Variants in PNPT1 observed in about 807,000 individuals in gnomAD.
The protein encoded by PNPT1 is polyribonucleotide nucleotidyltransferase 1, also known as polyribonucleotide nucleotidyltransferase 1, mitochondrial.
A neutral mutation model predicts 119.5 loss-of-function variants in PNPT1; 53 were observed. The ratio of observed to expected loss-of-function variants is 0.44; its 90% CI spans 0.36 to 0.56. PNPT1 has a LOEUF of 0.56. Among genes scored for constraint, PNPT1 ranks in the 20% least tolerant of loss-of-function variants. The pLI is 0.00. For missense variants in PNPT1, 948 were observed against 938.5 expected (o/e 1.01, Z -0.13); for synonymous variants, 357 against 322.1 (o/e 1.11, Z -1.16).
intron 26 of PNPT1, among the ~76,000 whole-genome samples, chr2:55,639,803 C>T (rs1467997084): frequency 5.9e-5 from 9 of 151,930 alleles, no homozygotes; most frequent in Non-Finnish European, 1.3e-4. Flanking sequence ...AGGAGTTCTC[C>T]ACTACTAATC....
At chr2:55,692,631 A>T (rs1697652645) in intron 1 of PNPT1, among the ~76,000 whole-genome samples, 1 of 152,202 alleles carries the variant, frequency 6.6e-6, no homozygotes, top group African/African-American at 2.4e-5. Flanking sequence ...TTAGAAAGTT[A>T]TCTAACCTTT....
chr2:55,691,199 C>T (rs560134123), intron 1 of PNPT1, among the ~76,000 whole-genome samples: 20 of 152,302 alleles, frequency 1.3e-4, no homozygotes, highest in African/African-American at 4.3e-4. Context: ...AGCATTTTGC[C>T]CACTGTGGCA....
intron 4 of PNPT1, 25 bp downstream of exon 4, chr2:55,684,918 G>T: frequency 6.7e-7 from 1 of 1,500,768 alleles, no homozygotes; most frequent in South Asian, 1.3e-5. Flanking sequence ...CAGAGAAGAT[G>T]AACGCCTCTA....
chr2:55,683,592 G>A (rs1697311446), intron 5 of PNPT1, among the ~76,000 whole-genome samples, 193 bp downstream of exon 5: 1 of 132,318 alleles, frequency 7.6e-6, no homozygotes, highest in African/African-American at 2.9e-5. Flanking sequence ...CAGCCTGGGC[G>A]ACAAAGTGAG....
Position 55,666,983 on chromosome 2 carries a change from T to C in PNPT1, c.1176+8A>G. 6.5e-7 allele frequency: 1 copy of C among 1,531,704 alleles called. No individual in the cohort carries two copies. The highest frequency in any genetic ancestry group is 8.8e-7 in the Non-Finnish European group (1 of 1,134,952). The allele number at this position is 1,531,704 out of a possible 1,614,324, so 94.9% of individuals were successfully genotyped here. On this transcript the variant is annotated splice_region_variant and intron_variant, in intron 13 of 27. Transcript: ENST00000447944. ...TAGCAAATAATTAGAGCTTTTTATA[T>C]AAATTACCTGTGTTTGTCCTCTTTG...
intron 18 of PNPT1, among the ~76,000 whole-genome samples, chr2:55,651,530 T>G (rs981440639): frequency 2.6e-5 from 4 of 152,094 alleles, no homozygotes; most frequent in African/African-American, 9.7e-5. Flanking sequence ...TTGAATAGAT[T>G]AAGGGCGGTG....
intron 15 of PNPT1, 124 bp from the exon 16 acceptor site, chr2:55,656,495 T>C: frequency 1.2e-6 from 1 of 841,318 alleles, no homozygotes; most frequent in South Asian, 1.9e-5. Context: ...TTTAAAAAAG[T>C]ACATTCATAA....
At chr2:55,683,684 T>A (rs931232856) in intron 5 of PNPT1, 101 bp downstream of exon 5, 2 of 1,074,854 alleles carry the variant, frequency 1.9e-6, no homozygotes, top group South Asian at 1.6e-5. Flanking sequence ...TCATAAAAAA[T>A]TCTTATGTTC....
At chr2:55,652,793 TA>T (rs2104061213) in intron 18 of PNPT1, among the ~76,000 whole-genome samples, 1 of 152,382 alleles carries the variant, frequency 6.6e-6, no homozygotes, top group South Asian at 2.1e-4. Flanking sequence ...GAAAGTGAAT[TA>T]ACTATGGCAT....
In PNPT1 at chr2:55,644,653, T is replaced by A; in HGVS notation, c.1890A>T (p.Lys630Asn). 2 of 1,609,854 alleles carry A rather than the reference T, an allele frequency of 1.2e-6. No homozygotes were observed. The highest frequency in any genetic ancestry group is 1.7e-6 in the Non-Finnish European group (2 of 1,176,562). ...FVGPGGYNLK[K>N]LQAETGVTIS... Reference sequence around the variant, plus strand: ...AACTCTTACCTGTTTCAGCCTGAAGTTTTTTTAAGTTATAGCCACCAGGTC... The same window carrying A: ...AACTCTTACCTGTTTCAGCCTGAAGATTTTTTAAGTTATAGCCACCAGGTC... The change falls in exon 23 of 28, where the codon AAA (lysine) becomes AAT (asparagine). Residue 630 changes from lysine to asparagine, a missense_variant. Physicochemically the swap from Lys to Asn is moderately conservative, Grantham distance 94. Transcript: ENST00000447944.
chr2:55,661,218 G>A (rs907329609), intron 14 of PNPT1, among the ~76,000 whole-genome samples: 20 of 148,750 alleles, frequency 1.3e-4, no homozygotes, highest in African/African-American at 4.0e-4. Context: ...TCAGCTTCCC[G>A]AGTAGCTGGG....
intron 10 of PNPT1, among the ~76,000 whole-genome samples, chr2:55,671,662 C>G (rs182899303): frequency 6.6e-6 from 1 of 152,136 alleles, no homozygotes; most frequent in African/African-American, 2.4e-5. Flanking sequence ...CCAACATGGC[C>G]GTCTCTACTA....
intron 15 of PNPT1, among the ~76,000 whole-genome samples, chr2:55,657,048 G>T (rs1464405200): frequency 6.6e-6 from 1 of 152,170 alleles, no homozygotes; most frequent in Non-Finnish European, 1.5e-5. Context: ...GTAATTTCAG[G>T]CCGGGCGCAG....
Position 55,693,651 on chromosome 2 carries a change from G to C in PNPT1, c.161+12C>G, listed in dbSNP as rs2104206449. On this transcript the variant is annotated intron_variant, in intron 1 of 27. Coordinates refer to ENST00000447944, the MANE Select transcript of PNPT1 (RefSeq NM_033109.5). Reference sequence around the variant, plus strand: ...CCTTATGACAATACAGTGAACGCACGTCACTCCTTACCTGTTGCCTAAGTC... The same window carrying C: ...CCTTATGACAATACAGTGAACGCACCTCACTCCTTACCTGTTGCCTAAGTC... The C allele has an allele frequency of 6.2e-7, 1 of 1,613,912 alleles. No individual in the cohort carries two copies. The highest frequency in any genetic ancestry group is 1.1e-5 in the South Asian group (1 of 91,076).
Position 55,638,303 on chromosome 2 carries a change from GAA to G in PNPT1, c.2149-706_2149-705del, listed in dbSNP as rs34343270. The stretch of plus-strand genomic sequence containing the variant: ...GGCGACAGAGTCAGACTCTGTCTCA[GAA>G]AAAAAAAAAAAAATCAGTTAATTAT... On this transcript the variant is annotated intron_variant, in intron 26 of 27. Coordinates refer to ENST00000447944, the MANE Select transcript of PNPT1 (RefSeq NM_033109.5). Among the ~76,000 whole-genome samples, 230 of 139,218 alleles carry G rather than the reference GAA, an allele frequency of 1.7e-3. 3 individuals are homozygous for G. The highest frequency in any genetic ancestry group is 4.4e-3 in the South Asian group (19 of 4,298). 91.3% of individuals were successfully genotyped at this position (139,218 alleles called of 152,430 possible). A position where few individuals can be genotyped will look rare whatever the true frequency, so the allele number is the denominator to read the frequency against.
In PNPT1 at chr2:55,684,826, G is replaced by C. The variant is rs549873903; in HGVS notation, c.403+117C>G. On this transcript the variant is annotated intron_variant, in intron 4 of 27. Transcript: ENST00000447944. ...GGAAGAGAAGGAGTGAATAATCTTAGGTGGTGTTAATGCTATGAAGGAAAA... is the reference window on the plus strand; with the variant it reads ...GGAAGAGAAGGAGTGAATAATCTTACGTGGTGTTAATGCTATGAAGGAAAA... 1.5e-5 allele frequency: 19 copies of C among 1,244,208 alleles called. 2 individuals are homozygous for C. In the South Asian group the frequency reaches 3.6e-4, roughly 23 times the overall value. The allele number at this position is 1,244,208 out of a possible 1,614,324, so 77.1% of individuals were successfully genotyped here.
In PNPT1 at chr2:55,656,153, T is replaced by C; in HGVS notation, c.1419A>G (p.Thr473=). 3 of 1,613,430 alleles carry C rather than the reference T, an allele frequency of 1.9e-6. No homozygotes were observed. Among genetic ancestry groups the C allele is most frequent in the Non-Finnish European group, 2.5e-6 (3 of 1,179,632 alleles). ...TACCATTTGACTCTAGGACTTCAGA[T>C]GTAACTCTTATGGTGAAAGGAAAAT... is the stretch of plus-strand genomic sequence containing the variant. The part of the protein sequence containing the change: ...PRDFPFTIRV[T]SEVLESNGSS... The change falls in exon 17 of 28, where the codon ACA becomes ACG. Residue 473 remains threonine, a synonymous_variant. Transcript: ENST00000447944.
rs768624117 is a variant in PNPT1 at position 55,654,887 on chromosome 2, A to G, written c.1495+13T>C. 8 of 1,612,018 alleles carry G rather than the reference A, an allele frequency of 5.0e-6. No homozygotes were observed. In the Admixed American group the frequency reaches 1.3e-4, roughly 27 times the overall value. The stretch of plus-strand genomic sequence containing the variant: ...TGAGCAATATCAGCAGTTTTGAGAC[A>G]TAATTCTTTTACCTGAATCCATTAA... On this transcript the variant is annotated intron_variant, in intron 18 of 27. Transcript: ENST00000447944.
chr2:55,678,455 T>C (rs1244980344), intron 8 of PNPT1, among the ~76,000 whole-genome samples: 2 of 152,230 alleles, frequency 1.3e-5, no homozygotes, highest in Non-Finnish European at 2.9e-5. Context: ...TAGAAACTAC[T>C]GTGTGGGGAT....
Sources: allele counts gnomAD v4.1 joint callset (sites outside exome capture counted in the v4.1 genomes callset), GRCh38; gene constraint gnomAD v4.1.1; transcripts MANE v1.5; gene names NCBI Gene and HGNC (gene_info 2026-07-23, HGNC 2026-07-21).